The following TNFAIP8 variants were observed in gnomAD, a reference collection of about 807,000 sequenced individuals.
TNFAIP8 encodes tumor necrosis factor alpha-induced protein 8.
A neutral mutation model predicts 13.3 loss-of-function variants in TNFAIP8; 7 were observed. The observed-to-expected ratio is 0.52, with a 90% confidence interval of 0.30 to 0.99. The LOEUF (loss-of-function observed/expected upper bound fraction) is 0.99. Ranked by LOEUF, TNFAIP8 falls within the 50% of genes least tolerant of loss-of-function variation. The pLI, the probability that TNFAIP8 is intolerant of heterozygous loss-of-function variation, is 0.07. For synonymous variants in TNFAIP8, 94 were observed against 87.6 expected (o/e 1.07, Z -0.41); for missense variants, 258 against 236.9 (o/e 1.09, Z -0.58).
chr5:119,351,788 C>CTTTTTTTTTTTTTT (rs1177061965), upstream of TNFAIP8, among the ~76,000 whole-genome samples: 32 of 138,276 alleles, frequency 2.3e-4, 2 homozygotes, highest in African/African-American at 7.7e-4. Flanking sequence ...TTTTCTTTTT[C>CTTTTTTTTTTTTTT]TTTTTTTCTT....
upstream of TNFAIP8, among the ~76,000 whole-genome samples, chr5:119,351,893 G>A (rs547760686): frequency 6.6e-6 from 1 of 150,474 alleles, no homozygotes; most frequent in Non-Finnish European, 1.5e-5. Flanking sequence ...GGGTTCAAGC[G>A]ATTCTTCTGC....
chr5:119,284,898 A>T (rs191398944), intron 1 of TNFAIP8, among the ~76,000 whole-genome samples: 297 of 152,296 alleles, frequency 2.0e-3, no homozygotes, highest in African/African-American at 6.9e-3. Context: ...CCAATTTTGA[A>T]ACTTGCTAGG....
chr5:119,311,037 TTTTGAGACAAGGTCTTG>T (rs1343403244), intron 1 of TNFAIP8, among the ~76,000 whole-genome samples: 1 of 152,178 alleles, frequency 6.6e-6, no homozygotes, highest in Non-Finnish European at 1.5e-5. Context: ...TTGTTTTATT[TTTTGAGACAAGGTCTTG>T]CTCTGTTGCC....
chr5:119,269,174 AC>A (rs1245598540), intron 1 of TNFAIP8, among the ~76,000 whole-genome samples: 3 of 151,984 alleles, frequency 2.0e-5, no homozygotes, highest in African/African-American at 7.3e-5. Context: ...AGGAACCCTT[AC>A]CTATTCAGGG....
upstream of TNFAIP8, chr5:119,355,444 G>C: frequency 1.4e-6 from 1 of 693,878 alleles, no homozygotes; most frequent in Non-Finnish European, 2.6e-6. Flanking sequence ...TCTGGGACTT[G>C]TGAAATTGTG....
At chr5:119,303,387 C>T (rs1184413771) in intron 1 of TNFAIP8, among the ~76,000 whole-genome samples, 1 of 152,138 alleles carries the variant, frequency 6.6e-6, no homozygotes, top group Non-Finnish European at 1.5e-5. Context: ...TTCCTTCTCC[C>T]TCTGCTGTCT....
chr5:119,312,705 C>T (rs1749769124), intron 1 of TNFAIP8, among the ~76,000 whole-genome samples: 1 of 144,098 alleles, frequency 6.9e-6, no homozygotes, highest in Non-Finnish European at 1.5e-5. Flanking sequence ...TTCGAGACTA[C>T]CCTGAGCAAT....
intron 1 of TNFAIP8, among the ~76,000 whole-genome samples, chr5:119,343,698 G>T (rs1324824313): frequency 6.6e-6 from 1 of 152,174 alleles, no homozygotes; most frequent in Non-Finnish European, 1.5e-5. Context: ...CTAACATCAA[G>T]ATTATCAACT....
chr5:119,359,477 A>G (rs1751554196), intron 1 of TNFAIP8, among the ~76,000 whole-genome samples: 1 of 152,162 alleles, frequency 6.6e-6, no homozygotes, highest in Admixed American at 6.5e-5. Flanking sequence ...CTGTATGTCT[A>G]GGACCTACAG....
chr5:119,340,299 A>G (rs1750695579), intron 1 of TNFAIP8, among the ~76,000 whole-genome samples: 1 of 152,174 alleles, frequency 6.6e-6, no homozygotes, highest in Admixed American at 6.5e-5. Flanking sequence ...GGGGGCTTTC[A>G]CCCAGACCCT....
In TNFAIP8 at chr5:119,339,973, T is replaced by G. The variant is rs112862032; in HGVS notation, c.2-52843T>G. 6.0e-3 allele frequency among the ~76,000 whole-genome samples: 908 copies of G among 152,336 alleles called. 5 individuals are homozygous for G. Among genetic ancestry groups the G allele is most frequent in the Middle Eastern group, 0.01 (3 of 294 alleles). ...ATAAATGAAATGGGGCAATCAGTCA[T>G]AGAGAGTTTCATTTAGTTTTCTCTA... On this transcript the variant is annotated intron_variant, in intron 1 of 1. Transcript: ENST00000274456.
rs534132412 is a variant in TNFAIP8, at chr5:119,284,640, C to T, written c.1+15733C>T. ...AGGTTGCAGTGAGCCAAGATTGCAT[C>T]GCTGCACTCCAGCCTGGGTGACAGA... is the stretch of plus-strand genomic sequence containing the variant. On this transcript the variant is annotated intron_variant, in intron 1 of 1. Transcript: ENST00000274456. 4.6e-5 allele frequency among the ~76,000 whole-genome samples: 7 copies of T among 151,830 alleles called. No homozygotes were observed. The East Asian group carries it at 7.7e-4, about 17-fold the overall frequency.
At chr5:119,280,517 C>T (rs1359126733) in intron 1 of TNFAIP8, among the ~76,000 whole-genome samples, 1 of 152,112 alleles carries the variant, frequency 6.6e-6, no homozygotes, top group Admixed American at 6.6e-5. Flanking sequence ...GCTTTTCCCT[C>T]TGTTTCCTGT....
In TNFAIP8 at chr5:119,297,252, A is replaced by C. The variant is rs1164417736; in HGVS notation, c.1+28345A>C. Reference sequence around the variant, plus strand: ...TCTCTTGTGGGCATTTAGTGCTATAAATTTCCCTCTACACACTGCTTTGAA... The same window carrying C: ...TCTCTTGTGGGCATTTAGTGCTATACATTTCCCTCTACACACTGCTTTGAA... On this transcript the variant is annotated intron_variant, in intron 1 of 1. Transcript: ENST00000274456. Among the ~76,000 whole-genome samples, 241 of 151,816 alleles carry C rather than the reference A, an allele frequency of 1.6e-3. 1 individual carries two copies. Among genetic ancestry groups the C allele is most frequent in the Admixed American group, 8.5e-3 (130 of 15,222 alleles).
intron 1 of TNFAIP8, among the ~76,000 whole-genome samples, chr5:119,293,859 A>C (rs79536770): frequency 0.031 from 4,674 of 152,202 alleles, 256 homozygotes; most frequent in African/African-American, 0.11. Flanking sequence ...TGAATAATAA[A>C]AAGTTTTTAA....
intron 1 of TNFAIP8, among the ~76,000 whole-genome samples, chr5:119,325,954 T>C (rs67311526): frequency 0.095 from 14,534 of 152,254 alleles, 807 homozygotes; most frequent in African/African-American, 0.16. Flanking sequence ...CGTCAGAACC[T>C]CCTGTTTATT....
In TNFAIP8 at chr5:119,392,881, A is replaced by C. The variant is rs947118121; in HGVS notation, c.97A>C (p.Met33Leu). ...GGCACAAAAGAAGATCTTGGGTAAA[A>C]TGGTGTCCAAATCCATCGCCACCAC... ...VQAQKKILGK[M>L]VSKSIATTLI... The change falls in exon 2 of 2, where the codon ATG (methionine) becomes CTG (leucine). Residue 33 changes from methionine (M) to leucine (L), a missense_variant. Met to Leu is a conservative substitution (Grantham distance 15, BLOSUM62 2). Coordinates refer to ENST00000504771, the MANE Select transcript of TNFAIP8 (RefSeq NM_014350.4). The C allele has an allele frequency of 1.9e-6, 3 of 1,578,204 alleles. No individual in the cohort carries two copies. In the African/African-American group the frequency reaches 4.1e-5, roughly 21 times the overall value.
chr5:119,353,255 C>T (rs1282081451), upstream of TNFAIP8, among the ~76,000 whole-genome samples: 2 of 152,334 alleles, frequency 1.3e-5, no homozygotes, highest in African/African-American at 2.4e-5. Context: ...GACCATTATT[C>T]ACTGGGGCTA....
Position 119,340,592 on chromosome 5 carries a change from G to A in TNFAIP8, c.2-52224G>A, listed in dbSNP as rs191887581. Among the ~76,000 whole-genome samples, 1,113 of 152,256 alleles carry A rather than the reference G, an allele frequency of 7.3e-3. 6 individuals carry two copies. Among genetic ancestry groups the A allele is most frequent in the Non-Finnish European group, 0.012 (809 of 68,010 alleles). Reference sequence around the variant, plus strand: ...TGGGGAGATTGAATAAGACAACCTCGAAACCTTCCTTTGAGCATTAGCTTT... The same window carrying A: ...TGGGGAGATTGAATAAGACAACCTCAAAACCTTCCTTTGAGCATTAGCTTT... On this transcript the variant is annotated intron_variant, in intron 1 of 1. Coordinates refer to the TNFAIP8 transcript ENST00000274456.
Sources: gnomAD v4.1 joint callset for allele counts (sites outside exome capture counted in the v4.1 genomes callset) on GRCh38, gnomAD v4.1.1 for gene constraint, MANE v1.5 for transcripts, NCBI Gene and HGNC (gene_info 2026-07-23, HGNC 2026-07-21) for gene names.